Variants in ESR1 observed in about 807,000 individuals in gnomAD.
ESR1 encodes estrogen receptor.
In ESR1, 12 loss-of-function variants were observed where a neutral mutation model predicts 52.7. The ratio of observed to expected loss-of-function variants is 0.23; its 90% CI spans 0.15 to 0.37. ESR1 has a LOEUF of 0.37. ESR1 is among the 10% of genes least tolerant of loss of function. The pLI is 1.00. For missense variants in ESR1, 584 were observed against 779.7 expected, an observed-to-expected ratio of 0.75 and a Z score of 2.99; for synonymous variants, 305 against 316.8, an observed-to-expected ratio of 0.96 and a Z score of 0.39.
intron 2 of ESR1, among the ~76,000 whole-genome samples, chr6:151,720,379 C>T (rs1781370458): frequency 6.6e-6 from 1 of 152,146 alleles, no homozygotes; most frequent in Non-Finnish European, 1.5e-5. Context: ...TTTGCTCTCA[C>T]TCCATGTTTA....
intron 2 of ESR1, among the ~76,000 whole-genome samples, chr6:151,768,495 T>C (rs1184529783): frequency 6.6e-6 from 1 of 152,142 alleles, no homozygotes; most frequent in African/African-American, 2.4e-5. Context: ...AAAATGGGCA[T>C]TAGTAAGACA....
chr6:151,943,032 T>TC (rs1380784394), intron 3 of ESR1, among the ~76,000 whole-genome samples: 1 of 152,016 alleles, frequency 6.6e-6, no homozygotes, highest in Admixed American at 6.5e-5. Context: ...AAAGATTGGA[T>TC]CCCCCCTCTT....
chr6:152,109,992 A>C (rs1356217556), intron 6 of ESR1, among the ~76,000 whole-genome samples: 1 of 152,236 alleles, frequency 6.6e-6, no homozygotes, highest in African/African-American at 2.4e-5. Flanking sequence ...ATTCATACAC[A>C]CAAAAGCTAC....
chr6:151,673,086 A>G (rs1778131640), intron 1 of ESR1, among the ~76,000 whole-genome samples: 1 of 152,040 alleles, frequency 6.6e-6, no homozygotes, highest in African/African-American at 2.4e-5. Flanking sequence ...TCAGCCTCCA[A>G]AAGTGCTGGG....
intron 1 of ESR1, among the ~76,000 whole-genome samples, chr6:151,824,325 T>G (rs1781100045): frequency 6.6e-6 from 1 of 152,242 alleles, no homozygotes; most frequent in Non-Finnish European, 1.5e-5. Flanking sequence ...GGTTGTTGTT[T>G]TTTTTCTTGT....
intron 4 of ESR1, among the ~76,000 whole-genome samples, chr6:151,999,349 A>G (rs1183893513): frequency 6.6e-6 from 1 of 152,132 alleles, no homozygotes; most frequent in Admixed American, 6.6e-5. Context: ...TAAGGATATT[A>G]ATGACTTCCT....
chr6:151,749,055 T>C (rs886618755), intron 2 of ESR1, among the ~76,000 whole-genome samples: 6 of 151,980 alleles, frequency 3.9e-5, no homozygotes, highest in African/African-American at 1.5e-4. Context: ...GGGACATATA[T>C]ATATAAATCA....
In ESR1 at chr6:151,949,614, C is replaced by T. The variant is rs559918786; in HGVS notation, c.1096+5106C>T. Among the ~76,000 whole-genome samples the T allele has an allele frequency of 4.2e-4, 64 of 152,344 alleles. No individual in the cohort carries two copies. In the Middle Eastern group the frequency reaches 0.017, roughly 40 times the overall value. Reference sequence around the variant, plus strand: ...AAGAGCCTTAGGATTGGGCTGGAATCGCCCTAGCAGGCATGATGGCAGCCC... The same window carrying T: ...AAGAGCCTTAGGATTGGGCTGGAATTGCCCTAGCAGGCATGATGGCAGCCC... On this transcript the variant is annotated intron_variant, in intron 4 of 7. Coordinates refer to ENST00000206249, the MANE Select transcript of ESR1 (RefSeq NM_000125.4).
intron 3 of ESR1, among the ~76,000 whole-genome samples, chr6:151,882,257 A>G (rs759624308): frequency 6.6e-5 from 10 of 152,186 alleles, no homozygotes; most frequent in Non-Finnish European, 1.0e-4. Flanking sequence ...TACGCCAGAC[A>G]GGTTGAGGTT....
chr6:151,870,012 A>G (rs1430049279), intron 2 of ESR1, among the ~76,000 whole-genome samples: 1 of 152,192 alleles, frequency 6.6e-6, no homozygotes, highest in African/African-American at 2.4e-5. Context: ...ATTTTTAGGA[A>G]TGTGTTCACT....
chr6:151,724,187 G>A (rs1781673714), intron 2 of ESR1, among the ~76,000 whole-genome samples: 1 of 152,100 alleles, frequency 6.6e-6, no homozygotes, highest in African/African-American at 2.4e-5. Context: ...AGCAGAATTG[G>A]TGTAAAGTCT....
At chr6:151,782,883 A>G (rs983343031) in intron 2 of ESR1, among the ~76,000 whole-genome samples, 3 of 152,188 alleles carry the variant, frequency 2.0e-5, no homozygotes, top group Admixed American at 6.5e-5. Context: ...ACATCTGCTC[A>G]CTAAAATTGG....
chr6:152,074,882 T>C (rs2048613337), intron 6 of ESR1, among the ~76,000 whole-genome samples: 1 of 152,244 alleles, frequency 6.6e-6, no homozygotes, highest in South Asian at 2.1e-4. Context: ...CATCTGTGTG[T>C]CTTCTGTGGT....
chr6:151,965,451 A>T (rs1308611445), intron 4 of ESR1, among the ~76,000 whole-genome samples: 2 of 151,996 alleles, frequency 1.3e-5, no homozygotes, highest in Admixed American at 1.3e-4. Context: ...ACTCTATCTC[A>T]TTACCTAAAA....
rs555785187 is a variant in ESR1, at chr6:152,102,478, C to T, written c.*3512C>T. On this transcript the variant is annotated 3_prime_UTR_variant, in exon 8 of 8. Transcript: ENST00000206249. ...GTCATACAGTAGCTCAAAAGGCAACCATAATTCTCTTTGGTGCAGGTCTTG... is the reference window on the plus strand; with the variant it reads ...GTCATACAGTAGCTCAAAAGGCAACTATAATTCTCTTTGGTGCAGGTCTTG... 1.2e-4 allele frequency: 25 copies of T among 209,194 alleles called. No homozygotes were observed. The highest frequency in any genetic ancestry group is 5.2e-4 in the African/African-American group (23 of 44,124). The allele number at this position is 209,194 out of a possible 1,614,324, so 13.0% of individuals were successfully genotyped here.
rs142475703 is a variant in ESR1, at chr6:151,908,687, A to C, written c.760+27916A>C. Among the ~76,000 whole-genome samples the C allele has an allele frequency of 2.1e-3, 313 of 152,286 alleles. 1 individual carries two copies. The highest frequency in any genetic ancestry group is 7.1e-3 in the African/African-American group (297 of 41,562). On this transcript the variant is annotated intron_variant, in intron 3 of 7. Coordinates refer to ENST00000206249, the MANE Select transcript of ESR1 (RefSeq NM_000125.4). ...GTTAACTTTCCTATCCCTGTATCAA[A>C]GTTTCTTTTGAAGGTAACTGAGACA... is the stretch of plus-strand genomic sequence containing the variant.
chr6:151,710,142 CTATT>C (rs1486972220), intron 2 of ESR1, among the ~76,000 whole-genome samples: 1 of 151,760 alleles, frequency 6.6e-6, no homozygotes, highest in African/African-American at 2.4e-5. Context: ...AACCACTAAT[CTATT>C]TATTTGTTGC....
intron 2 of ESR1, among the ~76,000 whole-genome samples, chr6:151,866,206 A>G (rs920938071): frequency 6.6e-6 from 1 of 152,302 alleles, no homozygotes. Context: ...AATATAGAAC[A>G]TTTCTTCTTA....
intron 2 of ESR1, among the ~76,000 whole-genome samples, chr6:151,739,681 T>C (rs565307105): frequency 2.0e-5 from 3 of 152,354 alleles, no homozygotes; most frequent in African/African-American, 4.8e-5. Context: ...TTCCAAAATA[T>C]GGCCATGCCA....
Sources: allele counts gnomAD v4.1 joint callset (sites outside exome capture counted in the v4.1 genomes callset), GRCh38; gene constraint gnomAD v4.1.1; transcripts MANE v1.5; gene names NCBI Gene and HGNC (gene_info 2026-07-23, HGNC 2026-07-21).